Variants in LCORL observed in about 807,000 individuals in gnomAD.
LCORL encodes the protein ligand-dependent nuclear receptor corepressor-like protein.
Under a neutral mutation model 141.8 loss-of-function variants are expected in LCORL, and 41 were observed. That is an observed-to-expected ratio of 0.29 (90% CI 0.23 to 0.38). The LOEUF (loss-of-function observed/expected upper bound fraction) is 0.38. Among genes scored for constraint, LCORL ranks in the 10% least tolerant of loss-of-function variants. The pLI is 1.00. For missense variants in LCORL, 1,759 were observed against 2,035.0 expected, an observed-to-expected ratio of 0.86 and a Z score of 2.61; for synonymous variants, 618 against 694.1, an observed-to-expected ratio of 0.89 and a Z score of 1.72.
chr4:17,956,665 A>T (rs1015880973), intron 4 of LCORL, among the ~76,000 whole-genome samples: 3 of 151,960 alleles, frequency 2.0e-5, no homozygotes, highest in Non-Finnish European at 2.9e-5. Flanking sequence ...GTGGGAGGGG[A>T]TGAAAAGGTT....
At chr4:17,904,617 A>G (rs1037673744) in intron 5 of LCORL, among the ~76,000 whole-genome samples, 13 of 152,034 alleles carry the variant, frequency 8.6e-5, no homozygotes, top group African/African-American at 3.1e-4. Context: ...CTTTTGGGTA[A>G]TCAATTGCCC....
intron 7 of LCORL, among the ~76,000 whole-genome samples, chr4:17,861,649 CT>C (rs2109132779): frequency 6.6e-6 from 1 of 152,248 alleles, no homozygotes; most frequent in South Asian, 2.1e-4. Flanking sequence ...ATGGGTCTTT[CT>C]TTTCTATCAA....
intron 5 of LCORL, among the ~76,000 whole-genome samples, chr4:17,908,090 T>C (rs1041556764): frequency 6.6e-6 from 1 of 152,108 alleles, no homozygotes; most frequent in South Asian, 2.1e-4. Context: ...TGGAGTGCAA[T>C]GGTATGATCT....
intron 6 of LCORL, chr4:17,882,545 A>G (rs1727713779): frequency 2.0e-6 from 2 of 984,734 alleles, no homozygotes; most frequent in Non-Finnish European, 2.4e-6. Flanking sequence ...TAGAGAGTTT[A>G]CATTACTGAA....
intron 7 of LCORL, among the ~76,000 whole-genome samples, chr4:17,852,900 T>C (rs1457018508): frequency 2.6e-5 from 4 of 152,208 alleles, no homozygotes; most frequent in South Asian, 4.1e-4. Context: ...ACTGGAGATA[T>C]GCAATGTTCA....
At chr4:17,898,619 C>G (rs1730350459) in intron 5 of LCORL, among the ~76,000 whole-genome samples, 1 of 148,840 alleles carries the variant, frequency 6.7e-6, no homozygotes, top group Admixed American at 6.7e-5. Context: ...ACAAGAAAAC[C>G]TGGAAATTCA....
chr4:18,015,927 C>T (rs985800233), intron 1 of LCORL, among the ~76,000 whole-genome samples: 1 of 151,432 alleles, frequency 6.6e-6, no homozygotes, highest in Non-Finnish European at 1.5e-5. Context: ...CAAAAGATTC[C>T]TTTCGGTATC....
At chr4:17,927,882 C>A in intron 4 of LCORL, among the ~76,000 whole-genome samples, 1 of 152,226 alleles carries the variant, frequency 6.6e-6, no homozygotes, top group Non-Finnish European at 1.5e-5. Context: ...AGGAAAACGG[C>A]GCAAACAGAC....
At chr4:17,876,226 T>C in exon 7 of LCORL, 1 of 1,230,978 alleles carries the variant, frequency 8.1e-7, no homozygotes, top group Non-Finnish European at 1.0e-6. Context: ...TTTTTCAGAT[T>C]TTCAAGTCTT....
At chr4:17,922,013 T>C (rs536568332) in intron 4 of LCORL, among the ~76,000 whole-genome samples, 1 of 152,338 alleles carries the variant, frequency 6.6e-6, no homozygotes, top group East Asian at 1.9e-4. Flanking sequence ...AAGGCTGCAC[T>C]GTCGGCTTCC....
Position 17,884,138 on chromosome 4 carries a change from A to G in LCORL, c.776+1930T>C. The stretch of plus-strand genomic sequence containing the variant: ...GTGAGTTACAGGCCCAGAACATTCT[A>G]TTTTGTTCTGTTTAGGGAGTATATT... On this transcript the variant is annotated intron_variant, in intron 6 of 7. Transcript: ENST00000635767. The surrounding 1 kb of genome is among the most constrained non-coding windows in gnomAD (Gnocchi z 4.4). The G allele has an allele frequency of 1.3e-6, 2 of 1,550,624 alleles. No individual in the cohort carries two copies. The highest frequency in any genetic ancestry group is 2.4e-5 in the South Asian group (2 of 84,030).
intron 4 of LCORL, among the ~76,000 whole-genome samples, chr4:17,940,130 A>G (rs1021163197): frequency 6.8e-5 from 10 of 146,196 alleles, no homozygotes; most frequent in Admixed American, 1.4e-4. Flanking sequence ...ATATATATGT[A>G]TATGTGTATA....
At chr4:17,952,080 A>G (rs914559457) in intron 4 of LCORL, among the ~76,000 whole-genome samples, 1 of 152,196 alleles carries the variant, frequency 6.6e-6, no homozygotes, top group African/African-American at 2.4e-5. Context: ...TTACTTCCAC[A>G]TAAAAGTGCT....
chr4:18,014,627 GA>G (rs1264971486), intron 1 of LCORL, among the ~76,000 whole-genome samples: 1 of 152,168 alleles, frequency 6.6e-6, no homozygotes, highest in Non-Finnish European at 1.5e-5. Flanking sequence ...TATATGAAAG[GA>G]AAGGAGATGA....
intron 2 of LCORL, 60 bp from the exon 3 acceptor site, chr4:17,963,109 C>T: frequency 1.1e-6 from 1 of 875,152 alleles, no homozygotes; most frequent in Non-Finnish European, 1.8e-6. Context: ...AATAAAATTA[C>T]CACTCTCCAC....
exon 5 of LCORL, chr4:17,909,259 T>C: frequency 6.2e-7 from 1 of 1,613,178 alleles, no homozygotes; most frequent in Non-Finnish European, 8.5e-7. Flanking sequence ...CTTTTTGAAA[T>C]GTACTCAATC....
At chr4:17,979,011 C>T (rs1421315915) in intron 1 of LCORL, among the ~76,000 whole-genome samples, 3 of 152,126 alleles carry the variant, frequency 2.0e-5, no homozygotes, top group African/African-American at 7.2e-5. Context: ...GCGTGCTGCA[C>T]GCATTAGGTA....
intron 4 of LCORL, among the ~76,000 whole-genome samples, chr4:17,909,737 A>ATGG (rs1410584765): frequency 1.3e-5 from 2 of 152,146 alleles, no homozygotes; most frequent in East Asian, 3.8e-4. Flanking sequence ...CCTAATATAC[A>ATGG]ATGTGCATGC....
rs550826770 is a variant in LCORL at position 17,966,559 on chromosome 4, G to C, written c.221-3510C>G. Among the ~76,000 whole-genome samples, 27 of 152,160 alleles carry C rather than the reference G, an allele frequency of 1.8e-4. No homozygotes were observed. In the South Asian group the frequency reaches 4.6e-3, roughly 26 times the overall value. ...AACCCAGATGATTTCCATACAATCT[G>C]TCTCTAAAAACAGCAGCAGGGGAAA... On this transcript the variant is annotated intron_variant, in intron 2 of 7. Coordinates refer to ENST00000635767, the Ensembl canonical transcript of LCORL.
Sources: allele counts gnomAD v4.1 joint callset (sites outside exome capture counted in the v4.1 genomes callset), GRCh38; gene constraint gnomAD v4.1.1; non-coding constraint Gnocchi (gnomAD v3.1); transcripts MANE v1.5; gene names NCBI Gene and HGNC (gene_info 2026-07-23, HGNC 2026-07-21).